The following NFIA variants were observed in gnomAD, a reference collection of about 807,000 sequenced individuals.
NFIA encodes nuclear factor I A, also known as nuclear factor 1 A-type.
NFIA carries 8 observed loss-of-function variants against 62.8 expected under a neutral mutation model. The observed-to-expected ratio is 0.13, with a 90% CI of 0.07 to 0.23. NFIA has a LOEUF of 0.23. Ranked by LOEUF, NFIA falls within the 10% of genes least tolerant of loss-of-function variation. NFIA has a pLI of 1.00. For synonymous variants in NFIA, 235 were observed against 238.1 expected, an observed-to-expected ratio of 0.99 and a Z score of 0.12; for missense variants, 410 against 642.1, an observed-to-expected ratio of 0.64 and a Z score of 3.91.
intron 2 of NFIA, 104 bp from the exon 3 acceptor site, chr1:61,277,416 C>T: frequency 4.2e-6 from 4 of 958,062 alleles, no homozygotes; most frequent in East Asian, 2.5e-5. Flanking sequence ...TGTAATGTTC[C>T]CTTTCTTAGT....
At chr1:61,189,275 G>A (rs1037213892) in intron 2 of NFIA, among the ~76,000 whole-genome samples, 1 of 152,154 alleles carries the variant, frequency 6.6e-6, no homozygotes, top group Non-Finnish European at 1.5e-5. Flanking sequence ...CCTTAGGGCA[G>A]TGACTCTTGC....
At chr1:61,134,338 C>T (rs374336676) in intron 2 of NFIA, among the ~76,000 whole-genome samples, 16 of 151,266 alleles carry the variant, frequency 1.1e-4, no homozygotes, top group African/African-American at 3.9e-4. Flanking sequence ...TTAGGAAAAT[C>T]AGATTATTTA....
intron 2 of NFIA, among the ~76,000 whole-genome samples, chr1:61,089,020 C>G (rs1055199144): frequency 6.6e-6 from 1 of 152,138 alleles, no homozygotes; most frequent in Non-Finnish European, 1.5e-5. Flanking sequence ...GACAAATGAT[C>G]TAGTTTAAAA....
intron 2 of NFIA, among the ~76,000 whole-genome samples, chr1:61,167,372 G>A (rs1330355253): frequency 1.3e-5 from 2 of 152,110 alleles, no homozygotes; most frequent in Non-Finnish European, 2.9e-5. Flanking sequence ...CATTTTCTTT[G>A]TAGAGTCATT....
At chr1:61,109,929 A>G (rs1474995688) in intron 2 of NFIA, among the ~76,000 whole-genome samples, 5 of 151,988 alleles carry the variant, frequency 3.3e-5, no homozygotes, top group African/African-American at 1.2e-4. Flanking sequence ...TTTATGTTAT[A>G]CAATTTAAGT....
intron 2 of NFIA, among the ~76,000 whole-genome samples, chr1:61,154,779 A>G (rs1328192206): frequency 2.6e-5 from 4 of 152,218 alleles, no homozygotes; most frequent in Non-Finnish European, 5.9e-5. Context: ...AGAGCAGATG[A>G]AAGATCTATA....
intron 3 of NFIA, among the ~76,000 whole-genome samples, chr1:61,327,428 G>A (rs1661008307): frequency 6.6e-6 from 1 of 151,692 alleles, no homozygotes; most frequent in Non-Finnish European, 1.5e-5. Context: ...GCCCCCTCCT[G>A]AGTCTCTGCG....
intron 2 of NFIA, among the ~76,000 whole-genome samples, chr1:61,246,114 G>A (rs1655630664): frequency 6.6e-6 from 1 of 152,142 alleles, no homozygotes; most frequent in African/African-American, 2.4e-5. Flanking sequence ...CTTTGCATAT[G>A]GAAGTGAACT....
At chr1:61,212,529 A>G (rs976571123) in intron 2 of NFIA, among the ~76,000 whole-genome samples, 5 of 152,178 alleles carry the variant, frequency 3.3e-5, no homozygotes, top group Non-Finnish European at 5.9e-5. Context: ...GTTTTCTATC[A>G]TCTACTAAAC....
rs188173019 is a variant in NFIA, at chr1:61,110,299, A to G, written c.559+21619A>G. Reference sequence around the variant, plus strand: ...GAGAGTTTTTACTCTTAGAAAAGTCAAAGAGTAACCCAGTGCTTGTCGAGG... The same window carrying G: ...GAGAGTTTTTACTCTTAGAAAAGTCGAAGAGTAACCCAGTGCTTGTCGAGG... On this transcript the variant is annotated intron_variant, in intron 2 of 10. Transcript: ENST00000403491. Among the ~76,000 whole-genome samples, 213 of 151,960 alleles carry G rather than the reference A, an allele frequency of 1.4e-3. 1 individual carries two copies. The highest frequency in any genetic ancestry group is 4.9e-3 in the African/African-American group (205 of 41,486).
At chr1:61,166,200 A>G (rs942007389) in intron 2 of NFIA, among the ~76,000 whole-genome samples, 2 of 152,176 alleles carry the variant, frequency 1.3e-5, no homozygotes, top group East Asian at 3.8e-4. Context: ...ATAGGAAAAT[A>G]TAGTACATTT....
At chr1:61,282,725 G>A (rs1658212848) in intron 3 of NFIA, among the ~76,000 whole-genome samples, 1 of 152,130 alleles carries the variant, frequency 6.6e-6, no homozygotes, top group South Asian at 2.1e-4. Flanking sequence ...AAAATGTGGG[G>A]CTCCCTTGCC....
intron 3 of NFIA, among the ~76,000 whole-genome samples, chr1:61,307,428 A>G (rs1053772304): frequency 1.3e-5 from 2 of 152,178 alleles, no homozygotes; most frequent in African/African-American, 4.8e-5. Flanking sequence ...AGTGTGAGAA[A>G]TAGATTTCTG....
chr1:61,343,563 CT>C (rs1662045214), intron 4 of NFIA, among the ~76,000 whole-genome samples: 1 of 152,114 alleles, frequency 6.6e-6, no homozygotes, highest in Admixed American at 6.6e-5. Flanking sequence ...TTGCTTAAAT[CT>C]TTTAATAGCA....
chr1:61,133,391 C>T (rs1647116529), intron 2 of NFIA, among the ~76,000 whole-genome samples: 1 of 151,786 alleles, frequency 6.6e-6, no homozygotes, highest in South Asian at 2.1e-4. Flanking sequence ...GTATGAAAAG[C>T]CATATATATT....
rs1158154754 is a variant in NFIA, at chr1:61,137,259, TTACC to T, written c.559+48580_559+48583del. 2.0e-5 allele frequency among the ~76,000 whole-genome samples: 3 copies of T among 152,186 alleles called. No homozygotes were observed. The East Asian group carries it at 5.8e-4, about 29-fold the overall frequency. On this transcript the variant is annotated intron_variant, in intron 2 of 10. Transcript: ENST00000403491. ...CTGCATGCCAAACATCCTGTATACC[TTACC>T]ATCTCATTTAATATTGATAACAACT... is the stretch of plus-strand genomic sequence containing the variant.
At chr1:61,081,883 C>T, upstream of NFIA, 1 of 1,543,934 alleles carries the variant, frequency 6.5e-7, no homozygotes, top group Non-Finnish European at 8.7e-7. Flanking sequence ...AGCCTTACCG[C>T]ATTTCAGTGG....
Position 61,462,032 on chromosome 1 carries a change from T to G in NFIA, c.*6712T>G, listed in dbSNP as rs543653444. The G allele has an allele frequency of 2.0e-5, 3 of 150,198 alleles. No homozygotes were observed. In the East Asian group the frequency reaches 5.8e-4, roughly 29 times the overall value. 9.3% of individuals were successfully genotyped at this position (150,198 alleles called of 1,614,324 possible). Reference sequence around the variant, plus strand: ...TAAGTTAGCCTTTTTGGGTTTTTTTTTTTTTTTTTTGGCTTTTTTTTTTGT... The same window carrying G: ...TAAGTTAGCCTTTTTGGGTTTTTTTGTTTTTTTTTTGGCTTTTTTTTTTGT... On this transcript the variant is annotated 3_prime_UTR_variant, in exon 11 of 11. Coordinates refer to ENST00000403491, the MANE Select transcript of NFIA (RefSeq NM_001134673.4).
intron 2 of NFIA, among the ~76,000 whole-genome samples, chr1:61,113,596 GAA>G (rs376543670): frequency 2.1e-4 from 23 of 107,002 alleles, no homozygotes; most frequent in African/African-American, 7.5e-4. Context: ...CTCCATCTCA[GAA>G]AAAAAAAAAA....
Sources: gnomAD v4.1 joint callset for allele counts (sites outside exome capture counted in the v4.1 genomes callset) on GRCh38, gnomAD v4.1.1 for gene constraint, MANE v1.5 for transcripts, NCBI Gene and HGNC (gene_info 2026-07-23, HGNC 2026-07-21) for gene names.